Variants in KCNQ4 observed in about 807,000 individuals in gnomAD.
KCNQ4 encodes the protein potassium voltage-gated channel subfamily KQT member 4.
In KCNQ4, 31 loss-of-function variants were observed where a neutral mutation model predicts 72.6. The observed-to-expected ratio is 0.43, with a 90% CI of 0.32 to 0.58. KCNQ4 has a LOEUF of 0.58. Ranked by LOEUF, KCNQ4 falls within the 20% of genes least tolerant of loss-of-function variation. The pLI is 0.08. For synonymous variants in KCNQ4, 405 were observed against 403.7 expected (o/e 1.00, Z -0.04); for missense variants, 869 against 962.6 (o/e 0.90, Z 1.29).
At chr1:40,820,345 C>T in intron 7 of KCNQ4, 85 bp downstream of exon 7, 1 of 1,166,888 alleles carries the variant, frequency 8.6e-7, no homozygotes, top group South Asian at 1.3e-5. Context: ...CCCATGTCCC[C>T]AGCCCAACTG....
At chr1:40,818,962 C>T in intron 4 of KCNQ4, 1 of 588,812 alleles carries the variant, frequency 1.7e-6, no homozygotes, top group East Asian at 2.9e-5. Context: ...TTTGAAGGGA[C>T]CACTCGTACC....
intron 1 of KCNQ4, among the ~76,000 whole-genome samples, chr1:40,811,159 GTGTC>G (rs1390167822): frequency 1.3e-5 from 2 of 152,152 alleles, no homozygotes; most frequent in Admixed American, 6.5e-5. Flanking sequence ...GCTTGGCACA[GTGTC>G]TGGCCAATAG....
intron 1 of KCNQ4, among the ~76,000 whole-genome samples, chr1:40,807,902 T>A (rs1003873067): frequency 1.2e-4 from 19 of 152,004 alleles, no homozygotes; most frequent in Admixed American, 2.6e-4. Context: ...ACAAATCACT[T>A]GAGCTTGGGG....
chr1:40,820,706 A>G (rs1648262597), intron 7 of KCNQ4, among the ~76,000 whole-genome samples: 1 of 152,202 alleles, frequency 6.6e-6, no homozygotes, highest in South Asian at 2.1e-4. Context: ...GGCTTTTAGG[A>G]ATCTCAACAT....
chr1:40,812,133 G>C (rs1488467762), intron 1 of KCNQ4, among the ~76,000 whole-genome samples: 1 of 152,206 alleles, frequency 6.6e-6, no homozygotes, highest in African/African-American at 2.4e-5. Context: ...GTCAGCCTGA[G>C]CTGGGGTTCT....
rs2361657 is a variant in KCNQ4, at chr1:40,818,848, A to G, written c.708+168A>G. 0.66 allele frequency: 475,814 copies of G among 715,834 alleles called. 162,014 individuals are homozygous for G. Among genetic ancestry groups the G allele is most frequent in the Non-Finnish European group, 0.72 (301,836 of 419,768 alleles). 44.3% of individuals were successfully genotyped at this position (715,834 alleles called of 1,614,324 possible). ...AGGCGAGGTCTAAGCGGGTGGGGCG[A>G]AGTGGATTCTGAATTAGGTAGGGGC... On this transcript the variant is annotated intron_variant, in intron 4 of 13. Transcript: ENST00000347132.
intron 1 of KCNQ4, among the ~76,000 whole-genome samples, chr1:40,810,329 C>G (rs1647897696): frequency 1.3e-5 from 2 of 152,212 alleles, no homozygotes; most frequent in African/African-American, 4.8e-5. Flanking sequence ...GATCCCTCCA[C>G]TTTGGTTGTG....
intron 1 of KCNQ4, among the ~76,000 whole-genome samples, chr1:40,785,448 G>A (rs1647193008): frequency 6.6e-6 from 1 of 152,124 alleles, no homozygotes; most frequent in Admixed American, 6.5e-5. Context: ...GGGCCCTTTG[G>A]CGCTGGGGTC....
Position 40,831,175 on chromosome 1 carries a change from C to T in KCNQ4, c.1384C>T (p.Pro462Ser). Residue 462 changes from proline to serine, a missense_variant, in exon 10 of 14, where the codon CCC (proline) becomes TCC (serine). By Grantham distance (74) the Pro-to-Ser change is moderately conservative (BLOSUM62 -1). This residue lies in a region of KCNQ4 where 480 missense variants were observed against 501.9 expected (regional missense o/e 0.96). Coordinates refer to ENST00000347132, the MANE Select transcript of KCNQ4 (RefSeq NM_004700.4). Reference sequence around the variant, plus strand: ...GCAGCATCTGGCACCTCCAACAATGCCCACCTCCCCAAGCAGCGAGCAGGT... The same window carrying T: ...GCAGCATCTGGCACCTCCAACAATGTCCACCTCCCCAAGCAGCGAGCAGGT... ...SKQHLAPPTM[P>S]TSPSSEQVGE... 3.7e-6 allele frequency: 6 copies of T among 1,610,992 alleles called. No homozygotes were observed. In the South Asian group the frequency reaches 4.4e-5, roughly 12 times the overall value.
rs970280160 is a variant in KCNQ4, at chr1:40,788,874, A to G, written c.314+4467A>G. Among the ~76,000 whole-genome samples the G allele has an allele frequency of 1.3e-5, 2 of 152,200 alleles. No homozygotes were observed. The highest frequency in any genetic ancestry group is 4.8e-5 in the African/African-American group (2 of 41,448). The stretch of plus-strand genomic sequence containing the variant: ...GTCTGAATGTCTCACACATGCACTC[A>G]CTGCAACATCGACACACATGCACAA... On this transcript the variant is annotated intron_variant, in intron 1 of 13. Transcript: ENST00000347132. This position sits in a 1 kb window ranked among gnomAD's most constrained non-coding sequence, Gnocchi z 4.5.
intron 1 of KCNQ4, among the ~76,000 whole-genome samples, chr1:40,816,537 G>A (rs571579242): frequency 6.6e-6 from 1 of 152,288 alleles, no homozygotes; most frequent in South Asian, 2.1e-4. Flanking sequence ...GGGGATGAGG[G>A]AAGTATTGGA....
At chr1:40,785,120 G>A (rs1647189489) in intron 1 of KCNQ4, among the ~76,000 whole-genome samples, 1 of 152,190 alleles carries the variant, frequency 6.6e-6, no homozygotes, top group Non-Finnish European at 1.5e-5. Flanking sequence ...CACCAGGCCT[G>A]GCTCTAGGCA....
intron 1 of KCNQ4, among the ~76,000 whole-genome samples, chr1:40,813,614 T>C (rs926155485): frequency 6.6e-6 from 1 of 152,086 alleles, no homozygotes; most frequent in African/African-American, 2.4e-5. Context: ...GAAGAGTCAT[T>C]GAGCAGGCAT....
chr1:40,834,653 GTC>G (rs1648757216), intron 11 of KCNQ4, among the ~76,000 whole-genome samples: 1 of 150,586 alleles, frequency 6.6e-6, no homozygotes, highest in African/African-American at 2.4e-5. Context: ...CCATTGCCCA[GTC>G]TCTGCCAGAG....
At chr1:40,831,866 A>G (rs1648659962) in intron 10 of KCNQ4, among the ~76,000 whole-genome samples, 1 of 152,196 alleles carries the variant, frequency 6.6e-6, no homozygotes, top group South Asian at 2.1e-4. Flanking sequence ...GACCCTGGAA[A>G]GTAGGTTCTG....
intron 1 of KCNQ4, among the ~76,000 whole-genome samples, chr1:40,802,950 T>C (rs776252281): frequency 1.3e-4 from 20 of 152,176 alleles, no homozygotes; most frequent in Non-Finnish European, 4.4e-5. Flanking sequence ...TTGACTGAGA[T>C]ACATTTAGGG....
chr1:40,784,885 C>G lies in KCNQ4; in HGVS notation c.314+478C>G, dbSNP rs1487990562. Among the ~76,000 whole-genome samples, 2 of 152,192 alleles carry G rather than the reference C, an allele frequency of 1.3e-5. No homozygotes were observed. The highest frequency in any genetic ancestry group is 2.9e-5 in the Non-Finnish European group (2 of 68,014). ...GGCTCCCCTCAGGGGTGCTCCTCTC[C>G]AGGGCGGCCCTCATTCCTACCCCTG... On this transcript the variant is annotated intron_variant, in intron 1 of 13. Coordinates refer to ENST00000347132, the MANE Select transcript of KCNQ4 (RefSeq NM_004700.4). The surrounding 1 kb of genome is among the most constrained non-coding windows in gnomAD (Gnocchi z 4.1).
chr1:40,799,667 G>T (rs1647522337), intron 1 of KCNQ4, among the ~76,000 whole-genome samples: 1 of 152,140 alleles, frequency 6.6e-6, no homozygotes, highest in South Asian at 2.1e-4. Context: ...CCTCCTGGTG[G>T]CCTGTCCCAT....
intron 10 of KCNQ4, 33 bp from the exon 11 acceptor site, chr1:40,832,981 G>A (rs7521882): frequency 2.6e-5 from 40 of 1,512,142 alleles, no homozygotes; most frequent in Non-Finnish European, 3.2e-5. Context: ...TGGCCCCTTT[G>A]GTGGGCCACT....
Sources: gnomAD v4.1 joint callset for allele counts (sites outside exome capture counted in the v4.1 genomes callset) on GRCh38, gnomAD v4.1.1 for gene constraint, gnomAD v4.1.1 regional missense constraint, Gnocchi (gnomAD v3.1) non-coding constraint, MANE v1.5 for transcripts, NCBI Gene and HGNC (gene_info 2026-07-23, HGNC 2026-07-21) for gene names.